NUDT7: variants seen among roughly 807,000 people sequenced by gnomAD.
The protein encoded by NUDT7 is nudix hydrolase 7, also known as peroxisomal coenzyme A diphosphatase NUDT7.
Under a neutral mutation model 13.1 loss-of-function variants are expected in NUDT7, and 19 were observed. The ratio of observed to expected loss-of-function variants is 1.45; its 90% CI spans 1.01 to 2.13. NUDT7 has a LOEUF of 2.13. NUDT7 is among the 30% of genes most tolerant of loss of function. The pLI is 0.00. For synonymous variants in NUDT7, 132 were observed against 109.7 expected, an observed-to-expected ratio of 1.20 and a Z score of -1.27; for missense variants, 360 against 291.7, an observed-to-expected ratio of 1.23 and a Z score of -1.71.
At chr16:77,741,464 C>G (rs1173636820) in intron 3 of NUDT7, 118 bp from the exon 4 acceptor site, 1 of 1,059,040 alleles carries the variant, frequency 9.4e-7, no homozygotes, top group Non-Finnish European at 1.3e-6. Flanking sequence ...AATAAGCTTT[C>G]TTCCCCTTCT....
At position 77,722,577 on chromosome 16, in the gene NUDT7, A is replaced by G; in HGVS notation, c.-6A>G. On this transcript the variant is annotated 5_prime_UTR_variant, in exon 1 of 4. Transcript: ENST00000268533. The stretch of plus-strand genomic sequence containing the variant: ...GTCCGCCCGGAAACAAACATTCCCC[A>G]GGGCAATGTCACGACTTGGTCTTCC... 6.3e-7 allele frequency: 1 copy of G among 1,589,006 alleles called. No homozygotes were observed. Among genetic ancestry groups the G allele is most frequent in the Non-Finnish European group, 8.6e-7 (1 of 1,166,996 alleles).
intron 2 of NUDT7, among the ~76,000 whole-genome samples, chr16:77,729,530 C>T (rs1190643644): frequency 6.6e-6 from 1 of 151,988 alleles, no homozygotes; most frequent in East Asian, 1.9e-4. Flanking sequence ...AGCATATTTT[C>T]TTTAAAAAAA....
In NUDT7 at chr16:77,741,961, C is replaced by T. The variant is rs754087323; in HGVS notation, c.*11C>T. 3 of 1,567,954 alleles carry T rather than the reference C, an allele frequency of 1.9e-6. No homozygotes were observed. The highest frequency in any genetic ancestry group is 2.6e-6 in the Non-Finnish European group (3 of 1,160,264). ...ACAAGCAGGTTATGATTTACTAGAGCAAGAGACAAAGAACTATTCACGAGG... is the reference window on the plus strand; with the variant it reads ...ACAAGCAGGTTATGATTTACTAGAGTAAGAGACAAAGAACTATTCACGAGG... On this transcript the variant is annotated 3_prime_UTR_variant, in exon 4 of 4. Transcript: ENST00000268533.
At chr16:77,725,621 G>A (rs756373634) in intron 2 of NUDT7, 37 bp downstream of exon 2, 12 of 1,599,814 alleles carry the variant, frequency 7.5e-6, no homozygotes, top group Non-Finnish European at 9.4e-6. Flanking sequence ...TTAAACCTCA[G>A]GACATCAGAA....
intron 2 of NUDT7, among the ~76,000 whole-genome samples, chr16:77,725,932 A>G (rs2014121537): frequency 6.6e-6 from 1 of 152,194 alleles, no homozygotes; most frequent in Admixed American, 6.5e-5. Flanking sequence ...ACCAGATGCC[A>G]GTAGCACACA....
intron 1 of NUDT7, 55 bp downstream of exon 1, chr16:77,722,672 G>T (rs1236833874): frequency 6.6e-7 from 1 of 1,522,322 alleles, no homozygotes. Context: ...GGCCTTGATC[G>T]TAGCGGAGGC....
intron 3 of NUDT7, among the ~76,000 whole-genome samples, chr16:77,740,323 C>T (rs552414930): frequency 1.6e-4 from 25 of 152,222 alleles, no homozygotes; most frequent in South Asian, 1.2e-3. Context: ...CCGGATAGGT[C>T]CCAGCCTCAC....
chr16:77,736,894 T>C (rs2145124785), intron 3 of NUDT7, among the ~76,000 whole-genome samples: 1 of 152,328 alleles, frequency 6.6e-6, no homozygotes, highest in Middle Eastern at 3.4e-3. Context: ...ATAAATGTTT[T>C]AATAAAACCT....
intron 2 of NUDT7, 86 bp downstream of exon 2, chr16:77,725,670 C>A: frequency 1.6e-6 from 2 of 1,263,574 alleles, no homozygotes; most frequent in Non-Finnish European, 2.2e-6. Flanking sequence ...CACTTTGATG[C>A]CAAAATTCTC....
intron 2 of NUDT7, among the ~76,000 whole-genome samples, chr16:77,727,630 G>A (rs1040914874): frequency 9.2e-5 from 14 of 152,160 alleles, no homozygotes; most frequent in Admixed American, 1.3e-4. Context: ...TGAGGTGGGC[G>A]GATCACCTGA....
rs541371430 is a variant in NUDT7, at chr16:77,727,549, A to G, written c.189+1965A>G. Among the ~76,000 whole-genome samples, 4 of 152,318 alleles carry G rather than the reference A, an allele frequency of 2.6e-5. No homozygotes were observed. In the East Asian group the frequency reaches 5.8e-4, roughly 22 times the overall value. ...ATAAGCACAGGAGAAGCACTTACAT[A>G]TATTTTTTAAAATTATCAGATATGG... is the stretch of plus-strand genomic sequence containing the variant. On this transcript the variant is annotated intron_variant, in intron 2 of 3. Coordinates refer to ENST00000268533, the MANE Select transcript of NUDT7 (RefSeq NM_001105663.3).
At chr16:77,728,125 A>G (rs976549265) in intron 2 of NUDT7, among the ~76,000 whole-genome samples, 6 of 152,116 alleles carry the variant, frequency 3.9e-5, no homozygotes, top group African/African-American at 1.4e-4. Flanking sequence ...CCCTCACACA[A>G]GCAGGGCGCT....
Position 77,741,809 on chromosome 16 carries a change from G to A in NUDT7, c.576G>A (p.Thr192=), listed in dbSNP as rs202014139. Residue 192 remains threonine, a synonymous_variant, in exon 4 of 4, where the codon ACG becomes ACA. Transcript: ENST00000268533. ...DGVTYQIKGM[T]ANLAVLVAFI... is the part of the protein sequence containing the mutation. ...TCACTTACCAGATCAAGGGAATGAC[G>A]GCAAACCTTGCAGTGTTGGTGGCCT... The A allele has an allele frequency of 2.1e-5, 34 of 1,613,964 alleles. No homozygotes were observed. Among genetic ancestry groups the A allele is most frequent in the Middle Eastern group, 1.6e-4 (1 of 6,084 alleles).
At chr16:77,723,850 C>T (rs2014044971) in intron 1 of NUDT7, among the ~76,000 whole-genome samples, 1 of 152,092 alleles carries the variant, frequency 6.6e-6, no homozygotes, top group African/African-American at 2.4e-5. Flanking sequence ...CCTCAGTCTC[C>T]CAAAGTGCCG....
At position 77,735,836 on chromosome 16, in the gene NUDT7, G is replaced by A. The variant is rs2014463204; in HGVS notation, c.198G>A (p.Arg66=). 6.2e-7 allele frequency: 1 copy of A among 1,613,170 alleles called. No homozygotes were observed. Among genetic ancestry groups the A allele is most frequent in the African/African-American group, 1.3e-5 (1 of 74,996 alleles). The change falls in exon 3 of 4, where the codon AGG becomes AGA. Residue 66 remains arginine, a synonymous_variant. Transcript: ENST00000268533. ...GTTCTTTCTATATCCAGCTAAGAAG[G>A]GCCCCTGGAGAAGTTTGCTTCCCTG... ...LFTVRSEKLR[R]APGEVCFPGG... is the part of the protein sequence containing the mutation.
intron 2 of NUDT7, among the ~76,000 whole-genome samples, chr16:77,732,955 A>T (rs308928): frequency 6.6e-6 from 1 of 152,094 alleles, no homozygotes; most frequent in South Asian, 2.1e-4. Context: ...CGCATTTGGT[A>T]AGACATATTT....
In NUDT7 at chr16:77,724,778, G is replaced by A. The variant is rs141027000; in HGVS notation, c.36-653G>A. Among the ~76,000 whole-genome samples the A allele has an allele frequency of 7.4e-4, 112 of 152,296 alleles. 1 individual carries two copies. Among genetic ancestry groups the A allele is most frequent in the African/African-American group, 2.6e-3 (109 of 41,552 alleles). On this transcript the variant is annotated intron_variant, in intron 1 of 3. Coordinates refer to ENST00000268533, the MANE Select transcript of NUDT7 (RefSeq NM_001105663.3). ...GACCAAAACAAGTCCACATAGGAAG[G>A]GCACCATTTGCGGTTTTAAATCCAA... is the stretch of plus-strand genomic sequence containing the variant.
intron 1 of NUDT7, among the ~76,000 whole-genome samples, chr16:77,723,803 G>T (rs1398825897): frequency 6.6e-6 from 1 of 151,952 alleles, no homozygotes; most frequent in African/African-American, 2.4e-5. Context: ...TGTTGGCCAG[G>T]CTGGTCTCGA....
At chr16:77,729,500 A>G (rs1347107811) in intron 2 of NUDT7, among the ~76,000 whole-genome samples, 2 of 152,116 alleles carry the variant, frequency 1.3e-5, no homozygotes, top group African/African-American at 4.8e-5. Flanking sequence ...ACATGTCATC[A>G]TACATATTTT....
Sources: allele counts gnomAD v4.1 joint callset (sites outside exome capture counted in the v4.1 genomes callset), GRCh38; gene constraint gnomAD v4.1.1; transcripts MANE v1.5; gene names NCBI Gene and HGNC (gene_info 2026-07-23, HGNC 2026-07-21).